Variants in MXD1 observed in about 807,000 individuals in gnomAD.
MXD1 encodes MAX dimerization protein 1, also known as MAX-binding protein.
Under a neutral mutation model 25.7 loss-of-function variants are expected in MXD1, and 9 were observed. The ratio of observed to expected loss-of-function variants is 0.35; its 90% CI spans 0.21 to 0.61. The LOEUF (loss-of-function observed/expected upper bound fraction) is 0.61. Ranked by LOEUF, MXD1 falls within the 20% of genes least tolerant of loss-of-function variation. The pLI, the probability that MXD1 is intolerant of heterozygous loss-of-function variation, is 0.75. For missense variants in MXD1, 227 were observed against 292.4 expected, an observed-to-expected ratio of 0.78 and a Z score of 1.63; for synonymous variants, 99 against 113.9, an observed-to-expected ratio of 0.87 and a Z score of 0.83.
intron 3 of MXD1, among the ~76,000 whole-genome samples, chr2:69,932,482 A>G (rs1260447019): frequency 6.6e-6 from 1 of 152,226 alleles, no homozygotes; most frequent in African/African-American, 2.4e-5. Flanking sequence ...GAGAAGGCCA[A>G]GGCAGACACT....
chr2:69,929,118 C>CAG (rs1316945993), intron 3 of MXD1, among the ~76,000 whole-genome samples: 5 of 152,194 alleles, frequency 3.3e-5, no homozygotes, highest in Non-Finnish European at 5.9e-5. Context: ...GTCTCAAACT[C>CAG]CTGGCCTCAA....
chr2:69,932,307 T>G (rs1677306707), intron 3 of MXD1, among the ~76,000 whole-genome samples: 1 of 152,136 alleles, frequency 6.6e-6, no homozygotes, highest in South Asian at 2.1e-4. Flanking sequence ...TGTTTGCTTT[T>G]TTATCTGGTT....
At chr2:69,935,594 T>C (rs1677411788) in intron 4 of MXD1, 129 bp downstream of exon 4, 3 of 665,112 alleles carry the variant, frequency 4.5e-6, no homozygotes, top group Non-Finnish European at 8.3e-6. Flanking sequence ...CACAGGTACC[T>C]CAAATGCAAC....
chr2:69,936,933 T>C, intron 4 of MXD1: 1 of 525,830 alleles, frequency 1.9e-6, no homozygotes. Context: ...GGTTGGGGAC[T>C]GCTGCCTGCA....
At chr2:69,937,436 C>T in intron 5 of MXD1, 42 bp downstream of exon 5, 2 of 1,513,598 alleles carry the variant, frequency 1.3e-6, no homozygotes, top group Non-Finnish European at 1.8e-6. Flanking sequence ...CTTGTGCTCC[C>T]CAACCCCAGA....
At chr2:69,935,590 T>C in intron 4 of MXD1, 125 bp downstream of exon 4, 1 of 674,396 alleles carries the variant, frequency 1.5e-6, no homozygotes. Flanking sequence ...GAATCACAGG[T>C]ACCTCAAATG....
chr2:69,924,906 G>T (rs958564741), intron 3 of MXD1, among the ~76,000 whole-genome samples: 1 of 152,146 alleles, frequency 6.6e-6, no homozygotes, highest in Non-Finnish European at 1.5e-5. Context: ...TAAATAATTA[G>T]TGTTACTCTA....
intron 3 of MXD1, among the ~76,000 whole-genome samples, chr2:69,924,038 C>T (rs1360529609): frequency 6.6e-6 from 1 of 152,170 alleles, no homozygotes; most frequent in South Asian, 2.1e-4. Flanking sequence ...TATTATAGCA[C>T]CTCAGGGATG....
Position 69,935,397 on chromosome 2 carries a change from C to G in MXD1, c.250C>G (p.Pro84Ala). The G allele has an allele frequency of 6.2e-7, 1 of 1,614,050 alleles. No individual in the cohort carries two copies. The highest frequency in any genetic ancestry group is 8.5e-7 in the Non-Finnish European group (1 of 1,179,976). Residue 84 changes from proline to alanine, a missense_variant, in exon 4 of 6, where the codon CCA (proline) becomes GCA (alanine). Coordinates refer to ENST00000264444, the MANE Select transcript of MXD1 (RefSeq NM_002357.4). Reference sequence around the variant, plus strand: ...CCTGGAGAAGTTGAAGGGGCTGGTGCCACTTGGACCCGAATCAAGTCGACA... The same window carrying G: ...CCTGGAGAAGTTGAAGGGGCTGGTGGCACTTGGACCCGAATCAAGTCGACA... Reference protein sequence around the residue: ...LCLEKLKGLVPLGPESSRHTT... With the variant: ...LCLEKLKGLVALGPESSRHTT...
Position 69,915,121 on chromosome 2 carries a change from G to C in MXD1, c.-210G>C. The C allele has an allele frequency of 4.9e-6, 2 of 410,306 alleles. No individual in the cohort carries two copies. Among genetic ancestry groups the C allele is most frequent in the Non-Finnish European group, 4.3e-6 (1 of 234,390 alleles). 25.4% of individuals were successfully genotyped at this position (410,306 alleles called of 1,614,324 possible). On this transcript the variant is annotated 5_prime_UTR_variant, in exon 1 of 6. Coordinates refer to ENST00000264444, the MANE Select transcript of MXD1 (RefSeq NM_002357.4). The surrounding 1 kb of genome is among the most constrained non-coding windows in gnomAD (Gnocchi z 5.8). ...GGTGGCGGCTGCTGCTCTGCTCCGG[G>C]TTCTGTCACTGTGTCGGCGGTGCCC...
At position 69,941,555 on chromosome 2, in the gene MXD1, T is replaced by A. The variant is rs1677600684; in HGVS notation, c.*3271T>A. The A allele has an allele frequency of 6.6e-6, 1 of 152,238 alleles. No individual in the cohort carries two copies. The highest frequency in any genetic ancestry group is 1.5e-5 in the Non-Finnish European group (1 of 68,048). The allele number at this position is 152,238 out of a possible 1,614,324, so 9.4% of individuals were successfully genotyped here. On this transcript the variant is annotated 3_prime_UTR_variant, in exon 6 of 6. Transcript: ENST00000264444. ...ATTAAGTAGGCCCTCGTCCTGCAGT[T>A]GGCCACTTGAGTGTTTTGTTTTGTT...
intron 4 of MXD1, among the ~76,000 whole-genome samples, chr2:69,936,193 G>C (rs554872920): frequency 6.6e-6 from 1 of 151,976 alleles, no homozygotes; most frequent in Non-Finnish European, 1.5e-5. Context: ...ATAATCCTTC[G>C]CTGACTTTCC....
At chr2:69,928,288 C>T (rs939114671) in intron 3 of MXD1, among the ~76,000 whole-genome samples, 1 of 152,006 alleles carries the variant, frequency 6.6e-6, no homozygotes. Flanking sequence ...ACAGGCTACC[C>T]TGTTGAGGGT....
chr2:69,939,967 G>A lies in MXD1; in HGVS notation c.*1683G>A, dbSNP rs1384896380. 1 of 152,222 alleles carries A rather than the reference G, an allele frequency of 6.6e-6. No homozygotes were observed. The highest frequency in any genetic ancestry group is 1.5e-5 in the Non-Finnish European group (1 of 68,022). The allele number at this position is 152,222 out of a possible 1,614,324, so 9.4% of individuals were successfully genotyped here. A position where few individuals can be genotyped will look rare whatever the true frequency, so the allele number is the denominator to read the frequency against. On this transcript the variant is annotated 3_prime_UTR_variant, in exon 6 of 6. Transcript: ENST00000264444. ...TATACCCGAAGAGCAGTCTCAGAAA[G>A]CAAGATTACTTTTGTGTTTTTTAAA...
intron 4 of MXD1, chr2:69,937,019 G>A: frequency 1.5e-6 from 1 of 679,184 alleles, no homozygotes; most frequent in Non-Finnish European, 2.7e-6. Context: ...CCTGTGACAG[G>A]ACAAGTACCC....
At chr2:69,927,115 C>T (rs1677185587) in intron 3 of MXD1, among the ~76,000 whole-genome samples, 1 of 152,218 alleles carries the variant, frequency 6.6e-6, no homozygotes, top group Non-Finnish European at 1.5e-5. Flanking sequence ...GGCATCTGGT[C>T]TGGCATGAGA....
At chr2:69,935,525 G>A (rs1677409838) in intron 4 of MXD1, 60 bp downstream of exon 4, 2 of 1,189,002 alleles carry the variant, frequency 1.7e-6, no homozygotes, top group South Asian at 1.2e-5. Context: ...TTTGTCTGTT[G>A]TTACATCTCC....
At chr2:69,921,001 G>A (rs1453504319) in intron 2 of MXD1, among the ~76,000 whole-genome samples, 1 of 152,100 alleles carries the variant, frequency 6.6e-6, no homozygotes, top group East Asian at 1.9e-4. Context: ...GTCCATACTT[G>A]TTCAGTAAAT....
In MXD1 at chr2:69,939,436, G is replaced by C. The variant is rs775758212; in HGVS notation, c.*1152G>C. ...TTGGTTATGATTTCTCCCTTAAGTGGTCTCCGACTTTGTAGCATTTTTATT... is the reference window on the plus strand; with the variant it reads ...TTGGTTATGATTTCTCCCTTAAGTGCTCTCCGACTTTGTAGCATTTTTATT... On this transcript the variant is annotated 3_prime_UTR_variant, in exon 6 of 6. Transcript: ENST00000264444. 2.0e-5 allele frequency: 3 copies of C among 152,532 alleles called. No individual in the cohort carries two copies. Among genetic ancestry groups the C allele is most frequent in the African/African-American group, 4.8e-5 (2 of 41,408 alleles). 9.4% of individuals were successfully genotyped at this position (152,532 alleles called of 1,614,324 possible).
Sources: gnomAD v4.1 joint callset for allele counts (sites outside exome capture counted in the v4.1 genomes callset) on GRCh38, gnomAD v4.1.1 for gene constraint, Gnocchi (gnomAD v3.1) non-coding constraint, MANE v1.5 for transcripts, NCBI Gene and HGNC (gene_info 2026-07-23, HGNC 2026-07-21) for gene names.